The following ACACB variants were observed in gnomAD, a reference collection of about 807,000 sequenced individuals.
The protein encoded by ACACB is acetyl-CoA carboxylase 2.
In ACACB, 209 loss-of-function variants were observed where a neutral mutation model predicts 278.8. The observed-to-expected ratio is 0.75, with a 90% CI of 0.67 to 0.84. The LOEUF (loss-of-function observed/expected upper bound fraction) is 0.84. ACACB is among the 40% of genes least tolerant of loss of function. The pLI, the probability that ACACB is intolerant of heterozygous loss-of-function variation, is 0.00. For missense variants in ACACB, 2,850 were observed against 3,269.0 expected (o/e 0.87, Z 3.13); for synonymous variants, 1,174 against 1,285.6 (o/e 0.91, Z 1.86).
At chr12:109,192,101 A>G in intron 15 of ACACB, 151 bp downstream of exon 15, 1 of 819,692 alleles carries the variant, frequency 1.2e-6, no homozygotes, top group Non-Finnish European at 2.0e-6. Context: ...TCCTCTACAG[A>G]TCAACCTAGG....
chr12:109,185,543 G>A (rs2044625580), intron 11 of ACACB, 36 bp from the exon 12 acceptor site: 1 of 1,610,772 alleles, frequency 6.2e-7, no homozygotes, highest in Middle Eastern at 1.6e-4. Context: ...GTTCTGGTAG[G>A]ACTGACAGTC....
intron 25 of ACACB, 60 bp from the exon 26 acceptor site, chr12:109,222,739 C>G: frequency 1.9e-6 from 3 of 1,554,770 alleles, no homozygotes; most frequent in Non-Finnish European, 2.7e-6. Context: ...CGTGCCCGAG[C>G]CTCTGCCTTC....
chr12:109,146,158 T>C (rs376918915), intron 2 of ACACB, among the ~76,000 whole-genome samples: 2 of 152,326 alleles, frequency 1.3e-5, no homozygotes, highest in African/African-American at 4.8e-5. Flanking sequence ...GATCCAACCC[T>C]TGCCCCATTT....
intron 11 of ACACB, among the ~76,000 whole-genome samples, chr12:109,181,996 A>T (rs2044494554): frequency 6.6e-6 from 1 of 151,804 alleles, no homozygotes; most frequent in African/African-American, 2.4e-5. Context: ...GGCGTGTGCC[A>T]CGACGCCCAG....
At chr12:109,163,709 G>A (rs2043809741) in intron 2 of ACACB, among the ~76,000 whole-genome samples, 1 of 152,174 alleles carries the variant, frequency 6.6e-6, no homozygotes, top group African/African-American at 2.4e-5. Flanking sequence ...GAGCGCAGTG[G>A]CACAATCTTG....
In ACACB at chr12:109,189,931, C is replaced by T. The variant is rs111426911; in HGVS notation, c.2145-1682C>T. Among the ~76,000 whole-genome samples, 1,204 of 152,060 alleles carry T rather than the reference C, an allele frequency of 7.9e-3. 27 individuals are homozygous for T. Among genetic ancestry groups the T allele is most frequent in the African/African-American group, 0.027 (1,127 of 41,476 alleles). ...TTCAAGACCAGCCTGGCCAACATGA[C>T]GAAACCCCGTGTCTACTAAAAATAC... On this transcript the variant is annotated intron_variant, in intron 13 of 52. Coordinates refer to ENST00000338432, the MANE Select transcript of ACACB (RefSeq NM_001093.4).
At chr12:109,233,386 C>T (rs1244078523) in intron 29 of ACACB, among the ~76,000 whole-genome samples, 2 of 152,132 alleles carry the variant, frequency 1.3e-5, no homozygotes, top group Non-Finnish European at 2.9e-5. Context: ...ATAGGGATTA[C>T]TCTTATTACC....
At position 109,264,308 on chromosome 12, in the gene ACACB, C is replaced by G. The variant is rs145938909; in HGVS notation, c.6864C>G (p.Pro2288=). 2 of 1,614,058 alleles carry G rather than the reference C, an allele frequency of 1.2e-6. No homozygotes were observed. Among genetic ancestry groups the G allele is most frequent in the African/African-American group, 2.7e-5 (2 of 74,918 alleles). ...AGGCTCGCGAGGACCTGCTGCTCCC[C>G]ATCTACCACCAGGTGGCGGTGCAGT... ...RLKAREDLLL[P]IYHQVAVQFA... The change falls in exon 50 of 53, where the codon CCC becomes CCG. Residue 2288 remains proline, a synonymous_variant. Coordinates refer to ENST00000338432, the MANE Select transcript of ACACB (RefSeq NM_001093.4).
chr12:109,156,672 T>C (rs972814473), intron 2 of ACACB, among the ~76,000 whole-genome samples: 1 of 151,830 alleles, frequency 6.6e-6, no homozygotes, highest in Non-Finnish European at 1.5e-5. Context: ...CTCCATCCTT[T>C]ATTTTCTTAG....
chr12:109,248,624 T>C (rs1188651482), intron 40 of ACACB, among the ~76,000 whole-genome samples: 3 of 152,188 alleles, frequency 2.0e-5, no homozygotes, highest in Non-Finnish European at 2.9e-5. Flanking sequence ...GCAAGGCAGC[T>C]TACTCCACCT....
intron 1 of ACACB, among the ~76,000 whole-genome samples, chr12:109,123,649 T>G (rs539528984): frequency 6.7e-6 from 1 of 149,696 alleles, no homozygotes; most frequent in Non-Finnish European, 1.5e-5. Context: ...GCCAAGATTG[T>G]GCCACTACAC....
At chr12:109,166,837 C>T in intron 2 of ACACB, 24 bp from the exon 3 acceptor site, 1 of 1,613,900 alleles carries the variant, frequency 6.2e-7, no homozygotes, top group Non-Finnish European at 8.5e-7. Flanking sequence ...TCATGCACGT[C>T]TGTCCCTCAT....
chr12:109,258,302 G>C lies in ACACB; in HGVS notation c.6298G>C (p.Glu2100Gln). ...GATTCCCGTGGGAGTGATTGCTGTG[G>C]AGACACGGACTGTGGAGGTGGCAGT... Reference protein sequence around the residue: ...GGIPVGVIAVETRTVEVAVPA... With the variant: ...GGIPVGVIAVQTRTVEVAVPA... Residue 2100 changes from glutamate (E) to glutamine (Q), a missense_variant, in exon 46 of 53, where the codon GAG becomes CAG. Physicochemically the swap from Glu to Gln is conservative, Grantham distance 29. Transcript: ENST00000338432. 1.9e-6 allele frequency: 3 copies of C among 1,612,832 alleles called. No individual in the cohort carries two copies. The highest frequency in any genetic ancestry group is 2.5e-6 in the Non-Finnish European group (3 of 1,179,922).
chr12:109,206,428 C>CAAAAAAAAAAAAAAAAAAAA (rs35315851), intron 19 of ACACB, among the ~76,000 whole-genome samples: 6 of 89,770 alleles, frequency 6.7e-5, no homozygotes, highest in African/African-American at 1.5e-4. Flanking sequence ...GCGAGTGTCT[C>CAAAAAAAAAAAAAAAAAAAA]AAAAAAAAAA....
chr12:109,167,082 G>A, intron 3 of ACACB, 89 bp downstream of exon 3: 1 of 1,568,666 alleles, frequency 6.4e-7, no homozygotes. Flanking sequence ...TCGGGTTCAG[G>A]CTCATTCTGC....
intron 45 of ACACB, among the ~76,000 whole-genome samples, chr12:109,257,206 G>A (rs1225176986): frequency 5.9e-5 from 9 of 152,036 alleles, no homozygotes; most frequent in Non-Finnish European, 1.2e-4. Context: ...CCCAGAAGGT[G>A]GATGTTGCAG....
intron 17 of ACACB, 99 bp downstream of exon 17, chr12:109,197,252 C>G: frequency 1.4e-6 from 2 of 1,445,914 alleles, no homozygotes; most frequent in South Asian, 1.4e-5. Flanking sequence ...GTCCAAGGGT[C>G]TTAGAGAAGG....
At chr12:109,236,858 G>A (rs545285389) in intron 33 of ACACB, among the ~76,000 whole-genome samples, 1 of 151,944 alleles carries the variant, frequency 6.6e-6, no homozygotes, top group South Asian at 2.1e-4. Context: ...GGCTGTGACA[G>A]ATGGAGAACA....
At chr12:109,145,231 C>T (rs562774072) in intron 2 of ACACB, among the ~76,000 whole-genome samples, 2 of 152,178 alleles carry the variant, frequency 1.3e-5, no homozygotes, top group South Asian at 2.1e-4. Flanking sequence ...AGGAGTGATC[C>T]GTCGTTTTGG....
Sources: gnomAD v4.1 joint callset for allele counts (sites outside exome capture counted in the v4.1 genomes callset) on GRCh38, gnomAD v4.1.1 for gene constraint, MANE v1.5 for transcripts, NCBI Gene and HGNC (gene_info 2026-07-23, HGNC 2026-07-21) for gene names.